The following NAA30 variants were observed in gnomAD, a reference collection of about 807,000 sequenced individuals.
NAA30 encodes N-alpha-acetyltransferase 30, NatC catalytic subunit, also known as N-alpha-acetyltransferase 30.
In NAA30, 5 loss-of-function variants were observed where a neutral mutation model predicts 31.4. That is an observed-to-expected ratio of 0.16 (90% confidence interval 0.08 to 0.33). The LOEUF is 0.33. Ranked by LOEUF, NAA30 falls within the 10% of genes least tolerant of loss-of-function variation. NAA30 has a pLI of 1.00. For synonymous variants in NAA30, 222 were observed against 207.1 expected, an observed-to-expected ratio of 1.07 and a Z score of -0.62; for missense variants, 428 against 490.8, an observed-to-expected ratio of 0.87 and a Z score of 1.21.
In NAA30 at chr14:57,390,994, C is replaced by T; in HGVS notation, c.37C>T (p.Pro13Ser). ...EVPPGPSSLL[P>S]PPAPPAPAAV... is the part of the protein sequence containing the mutation. ...ACCGCCTGGGCCTAGCAGCCTCCTC[C>T]CACCACCAGCACCTCCGGCCCCGGC... The change falls in exon 2 of 5, where the codon CCA becomes TCA. Residue 13 changes from proline to serine, a missense_variant. Around this residue, in one of 2 missense-constraint regions of NAA30, gnomAD observed 349 missense variants for 310.4 expected, o/e 1.12. Coordinates refer to ENST00000556492, the MANE Select transcript of NAA30 (RefSeq NM_001011713.3). The T allele has an allele frequency of 6.7e-7, 1 of 1,495,878 alleles. No homozygotes were observed. The highest frequency in any genetic ancestry group is 8.8e-7 in the Non-Finnish European group (1 of 1,130,676). The allele number at this position is 1,495,878 out of a possible 1,614,324, so 92.7% of individuals were successfully genotyped here.
In NAA30 at chr14:57,409,449, A is replaced by G. The variant is rs2066513937; in HGVS notation, c.1022A>G (p.Asp341Gly). The G allele has an allele frequency of 6.2e-7, 1 of 1,612,352 alleles. No individual in the cohort carries two copies. The highest frequency in any genetic ancestry group is 1.3e-5 in the African/African-American group (1 of 74,998). ...KLYENLGFVR[D>G]KRLFRYYLNG... ...TATGAAAATCTTGGTTTTGTTCGAG[A>G]TAAGAGGCTGTTCAGATACTATTTA... The change falls in exon 5 of 5, where the codon GAT (aspartate) becomes GGT (glycine). Residue 341 changes from aspartate to glycine, a missense_variant. Around this residue, in one of 2 missense-constraint regions of NAA30, gnomAD observed 79 missense variants for 180.3 expected, o/e 0.44. Coordinates refer to ENST00000556492, the MANE Select transcript of NAA30 (RefSeq NM_001011713.3).
rs918476022 is a variant in NAA30 at position 57,412,148 on chromosome 14, T to G, written c.*2632T>G. On this transcript the variant is annotated 3_prime_UTR_variant, in exon 5 of 5. Coordinates refer to ENST00000556492, the MANE Select transcript of NAA30 (RefSeq NM_001011713.3). ...TATAATTTCCTGTATTTCCTGTACA[T>G]TGGGATGAAACTACTTTAGCAAAGT... The G allele has an allele frequency of 2.6e-5, 4 of 152,156 alleles. No homozygotes were observed. Among genetic ancestry groups the G allele is most frequent in the African/African-American group, 9.7e-5 (4 of 41,438 alleles). 9.4% of individuals were successfully genotyped at this position (152,156 alleles called of 1,614,324 possible).
In NAA30 at chr14:57,391,449, G is replaced by T. The variant is rs368481115; in HGVS notation, c.492G>T (p.Ala164=). The part of the protein sequence containing the change: ...VEAAAASDPA[A]ARNGLAEGTE... Reference sequence around the variant, plus strand: ...CAGCGGCGGCGAGCGATCCCGCGGCGGCCCGCAATGGACTGGCCGAGGGCA... The same window carrying T: ...CAGCGGCGGCGAGCGATCCCGCGGCTGCCCGCAATGGACTGGCCGAGGGCA... The change falls in exon 2 of 5, where the codon GCG becomes GCT. Residue 164 remains alanine (A), a synonymous_variant. Coordinates refer to ENST00000556492, the MANE Select transcript of NAA30 (RefSeq NM_001011713.3). This position sits in a 1 kb window ranked among gnomAD's most constrained non-coding sequence, Gnocchi z 4.1. The T allele has an allele frequency of 3.0e-4, 490 of 1,608,868 alleles. No homozygotes were observed. Among genetic ancestry groups the T allele is most frequent in the Middle Eastern group, 6.7e-4 (4 of 6,008 alleles).
Position 57,410,210 on chromosome 14 carries a change from A to C in NAA30, c.*694A>C, listed in dbSNP as rs187472616. The C allele has an allele frequency of 6.4e-3, 973 of 152,714 alleles. 8 individuals are homozygous for C. The highest frequency in any genetic ancestry group is 0.041 in the Middle Eastern group (12 of 294). The allele number at this position is 152,714 out of a possible 1,614,324, so 9.5% of individuals were successfully genotyped here. ...TTTTATTTAAATTCTAAATTTGATAAATTATTTCAGATTTTTATAATTTGG... is the reference window on the plus strand; with the variant it reads ...TTTTATTTAAATTCTAAATTTGATACATTATTTCAGATTTTTATAATTTGG... On this transcript the variant is annotated 3_prime_UTR_variant, in exon 5 of 5. Coordinates refer to ENST00000556492, the MANE Select transcript of NAA30 (RefSeq NM_001011713.3).
chr14:57,392,908 C>T (rs1049715987), intron 2 of NAA30, among the ~76,000 whole-genome samples: 1 of 152,156 alleles, frequency 6.6e-6, no homozygotes, highest in Non-Finnish European at 1.5e-5. Context: ...GCTTAAACTT[C>T]AATTCAGTAC....
chr14:57,391,289 T>C lies in NAA30; in HGVS notation c.332T>C (p.Val111Ala), dbSNP rs1413428273. ...LKSKVLSVAE[V>A]AATTATPDGG... ...AGCAAGGTCCTGAGCGTAGCAGAGG[T>C]GGCCGCGACCACAGCCACCCCTGAC... Residue 111 changes from valine (V) to alanine (A), a missense_variant, in exon 2 of 5, where the codon GTG becomes GCG. By Grantham distance (64) the Val-to-Ala change is moderately conservative. Coordinates refer to ENST00000556492, the MANE Select transcript of NAA30 (RefSeq NM_001011713.3). This position sits in a 1 kb window ranked among gnomAD's most constrained non-coding sequence, Gnocchi z 4.1. 10 of 1,610,412 alleles carry C rather than the reference T, an allele frequency of 6.2e-6. No homozygotes were observed. The South Asian group carries it at 9.9e-5, about 16-fold the overall frequency.
At position 57,396,800 on chromosome 14, in the gene NAA30, A is replaced by G. The variant is rs1003984102; in HGVS notation, c.820A>G (p.Met274Val). 9 of 1,614,120 alleles carry G rather than the reference A, an allele frequency of 5.6e-6. No individual in the cohort carries two copies. In the Admixed American group the frequency reaches 1.3e-4, roughly 24 times the overall value. ...AGGTGCCATCGTTTGCAAGTTGGAT[A>G]TGCACAAAAAGATGTTCCGCAGAGG... ...CVGAIVCKLD[M>V]HKKMFRRGYI... Residue 274 changes from methionine to valine, a missense_variant, in exon 3 of 5, where the codon ATG becomes GTG. Met to Val is a conservative substitution (Grantham distance 21). Transcript: ENST00000556492.
intron 4 of NAA30, among the ~76,000 whole-genome samples, chr14:57,407,552 T>G (rs1314957765): frequency 6.6e-6 from 1 of 152,128 alleles, no homozygotes; most frequent in Non-Finnish European, 1.5e-5. Flanking sequence ...GAAAACAGTT[T>G]ATTTGAATGT....
At chr14:57,392,278 C>T (rs2066432249) in intron 2 of NAA30, among the ~76,000 whole-genome samples, 1 of 152,144 alleles carries the variant, frequency 6.6e-6, no homozygotes, top group Non-Finnish European at 1.5e-5. Context: ...ACAGTTGTAG[C>T]CAGCCTGCTT....
chr14:57,390,664 A>G lies in NAA30; in HGVS notation c.-43A>G. The G allele has an allele frequency of 2.9e-6, 1 of 347,656 alleles. No homozygotes were observed. The highest frequency in any genetic ancestry group is 5.2e-6 in the Non-Finnish European group (1 of 193,874). The allele number at this position is 347,656 out of a possible 1,614,324, so 21.5% of individuals were successfully genotyped here. On this transcript the variant is annotated 5_prime_UTR_variant, in exon 1 of 5. Coordinates refer to ENST00000556492, the MANE Select transcript of NAA30 (RefSeq NM_001011713.3). ...GCGAAGGAGGCGGCGGCGGTGGCGG[A>G]GGAAGAGGAGTGGCGGCAGCGGCGG...
Position 57,391,323 on chromosome 14 carries a change from C to G in NAA30, c.366C>G (p.Pro122=). The change falls in exon 2 of 5, where the codon CCC becomes CCG. Residue 122 remains proline (P), a synonymous_variant. Transcript: ENST00000556492. This position sits in a 1 kb window ranked among gnomAD's most constrained non-coding sequence, Gnocchi z 4.1. ...AATTATPDGG[P]RATATKGAGV... is the part of the protein sequence containing the mutation. ...CCACAGCCACCCCTGACGGAGGCCC[C>G]AGAGCGACTGCAACAAAAGGAGCCG... The G allele has an allele frequency of 6.2e-7, 1 of 1,611,668 alleles. No individual in the cohort carries two copies. The highest frequency in any genetic ancestry group is 1.7e-5 in the Admixed American group (1 of 59,914).
Position 57,415,630 on chromosome 14 carries a change from A to G in NAA30, c.*6114A>G, listed in dbSNP as rs1452736657. ...GTTGCATGAAACTTTTAAAAGTTTAAGATATAAAGTAATTGCTAAAATTTG... is the reference window on the plus strand; with the variant it reads ...GTTGCATGAAACTTTTAAAAGTTTAGGATATAAAGTAATTGCTAAAATTTG... On this transcript the variant is annotated 3_prime_UTR_variant, in exon 5 of 5. Transcript: ENST00000556492. The G allele has an allele frequency of 6.6e-6, 1 of 152,202 alleles. No individual in the cohort carries two copies. The highest frequency in any genetic ancestry group is 1.5e-5 in the Non-Finnish European group (1 of 68,030). The allele number at this position is 152,202 out of a possible 1,614,324, so 9.4% of individuals were successfully genotyped here.
rs1458807471 is a variant in NAA30, at chr14:57,410,579, T to C, written c.*1063T>C. The C allele has an allele frequency of 6.6e-6, 1 of 152,266 alleles. No homozygotes were observed. The highest frequency in any genetic ancestry group is 1.5e-5 in the Non-Finnish European group (1 of 68,028). The allele number at this position is 152,266 out of a possible 1,614,324, so 9.4% of individuals were successfully genotyped here. ...AAAATGCTTCACTTCAGGTTCTTGG[T>C]CTTGGAAATAAATTTCAAGGTGCAT... On this transcript the variant is annotated 3_prime_UTR_variant, in exon 5 of 5. Coordinates refer to ENST00000556492, the MANE Select transcript of NAA30 (RefSeq NM_001011713.3).
At position 57,391,185 on chromosome 14, in the gene NAA30, G is replaced by T. The variant is rs541929333; in HGVS notation, c.228G>T (p.Gln76His). ...AKGHPCLRCP[Q>H]PPQEQQQLNG... ...GGCATCCGTGCCTCCGCTGCCCTCA[G>T]CCGCCGCAGGAGCAGCAGCAGCTCA... The change falls in exon 2 of 5, where the codon CAG (glutamine) becomes CAT (histidine). Residue 76 changes from glutamine to histidine, a missense_variant. Physicochemically the swap from Gln to His is conservative, Grantham distance 24 (BLOSUM62 0). Transcript: ENST00000556492. The surrounding 1 kb of genome is among the most constrained non-coding windows in gnomAD (Gnocchi z 4.1). 5.6e-5 allele frequency: 90 copies of T among 1,610,518 alleles called. 2 individuals carry two copies. The South Asian group carries it at 9.8e-4, about 18-fold the overall frequency.
At position 57,391,613 on chromosome 14, in the gene NAA30, A is replaced by C. The variant is rs748184352; in HGVS notation, c.656A>C (p.Glu219Ala). 11 of 1,614,270 alleles carry C rather than the reference A, an allele frequency of 6.8e-6. No homozygotes were observed. Among genetic ancestry groups the C allele is most frequent in the Non-Finnish European group, 9.3e-6 (11 of 1,180,050 alleles). The change falls in exon 2 of 5, where the codon GAA becomes GCA. Residue 219 changes from glutamate (E) to alanine (A), a missense_variant. Transcript: ENST00000556492. This position sits in a 1 kb window ranked among gnomAD's most constrained non-coding sequence, Gnocchi z 4.1. ...CGGACGATACGATATGTCCGATATG[A>C]ATCCGAGCTACAAATGCCCGATATC... ...EDRTIRYVRY[E>A]SELQMPDIMR... is the part of the protein sequence containing the mutation.
chr14:57,407,084 G>A (rs2066501225), intron 4 of NAA30, among the ~76,000 whole-genome samples: 1 of 152,000 alleles, frequency 6.6e-6, no homozygotes, highest in South Asian at 2.1e-4. Flanking sequence ...TTAGACATGG[G>A]CTTTCACCAC....
Position 57,390,653 on chromosome 14 carries a change from G to T in NAA30, c.-54G>T. On this transcript the variant is annotated 5_prime_UTR_variant, in exon 1 of 5. Transcript: ENST00000556492. ...CTGCCGCGGCTGCGAAGGAGGCGGC[G>T]GCGGTGGCGGAGGAAGAGGAGTGGC... 1 of 368,232 alleles carries T rather than the reference G, an allele frequency of 2.7e-6. No homozygotes were observed. Among genetic ancestry groups the T allele is most frequent in the East Asian group, 4.1e-5 (1 of 24,456 alleles). The allele number at this position is 368,232 out of a possible 1,614,324, so 22.8% of individuals were successfully genotyped here.
At position 57,391,443 on chromosome 14, in the gene NAA30, C is replaced by G. The variant is rs764772039; in HGVS notation, c.486C>G (p.Pro162=). 3 of 1,607,640 alleles carry G rather than the reference C, an allele frequency of 1.9e-6. No individual in the cohort carries two copies. The highest frequency in any genetic ancestry group is 3.4e-5 in the Admixed American group (2 of 58,820). ...TGGAGGCAGCGGCGGCGAGCGATCC[C>G]GCGGCGGCCCGCAATGGACTGGCCG... The part of the protein sequence containing the change: ...SPVEAAAASD[P]AAARNGLAEG... The change falls in exon 2 of 5, where the codon CCC becomes CCG. Residue 162 remains proline (P), a synonymous_variant. Coordinates refer to ENST00000556492, the MANE Select transcript of NAA30 (RefSeq NM_001011713.3). This position sits in a 1 kb window ranked among gnomAD's most constrained non-coding sequence, Gnocchi z 4.1.
chr14:57,392,938 A>G (rs2066436208), intron 2 of NAA30, among the ~76,000 whole-genome samples: 1 of 152,224 alleles, frequency 6.6e-6, no homozygotes. Context: ...AACTGTGGGT[A>G]CTACTTTATA....
Sources: allele counts gnomAD v4.1 joint callset (sites outside exome capture counted in the v4.1 genomes callset), GRCh38; gene constraint gnomAD v4.1.1; regional missense constraint gnomAD v4.1.1; non-coding constraint Gnocchi (gnomAD v3.1); transcripts MANE v1.5; gene names NCBI Gene and HGNC (gene_info 2026-07-23, HGNC 2026-07-21).